SLC30A8: variants seen among roughly 807,000 people sequenced by gnomAD.
SLC30A8 encodes proton-coupled zinc antiporter SLC30A8.
In SLC30A8, 27 loss-of-function variants were observed where a neutral mutation model predicts 36.9. That is an observed-to-expected ratio of 0.73 (90% confidence interval 0.54 to 1.01). The LOEUF (loss-of-function observed/expected upper bound fraction) is 1.01, where lower values mean the gene tolerates loss of function less well. Ranked by LOEUF, SLC30A8 falls within the 50% of genes least tolerant of loss-of-function variation. The pLI is 0.00. For synonymous variants in SLC30A8, 164 were observed against 172.4 expected, an observed-to-expected ratio of 0.95 and a Z score of 0.38; for missense variants, 439 against 452.0, an observed-to-expected ratio of 0.97 and a Z score of 0.26.
chr8:117,164,398 C>CTCG (rs1424159209), intron 6 of SLC30A8: 2 of 146,564 alleles, frequency 1.4e-5, no homozygotes, highest in African/African-American at 5.2e-5. Flanking sequence ...ATGGCAAAAC[C>CTCG]TCGTCTCAAC....
Position 117,123,055 on chromosome 8 carries a change from T to G in SLC30A8, c.-225-12225T>G, listed in dbSNP as rs566085700. 3.3e-5 allele frequency among the ~76,000 whole-genome samples: 5 copies of G among 152,056 alleles called. No homozygotes were observed. In the South Asian group the frequency reaches 6.2e-4, roughly 19 times the overall value. ...TGCTTGACATGGACTAGGAACATAA[T>G]TAATATTTGTTGAATGAATTAATGG... On this transcript the variant is annotated intron_variant, in intron 2 of 10. Transcript: ENST00000427715.
At chr8:117,155,729 A>C (rs1822448880) in intron 3 of SLC30A8, among the ~76,000 whole-genome samples, 2 of 152,214 alleles carry the variant, frequency 1.3e-5, no homozygotes, top group African/African-American at 4.8e-5. Context: ...AGTTATGAGA[A>C]ACAGAAGTCT....
intron 1 of SLC30A8, among the ~76,000 whole-genome samples, chr8:116,991,951 G>A (rs1046265670): frequency 5.9e-5 from 9 of 152,140 alleles, no homozygotes; most frequent in African/African-American, 2.2e-4. Context: ...AAGATGCAGT[G>A]CAGGGTCTAC....
chr8:116,981,307 A>G (rs915720149), intron 1 of SLC30A8, among the ~76,000 whole-genome samples: 2 of 152,222 alleles, frequency 1.3e-5, no homozygotes, highest in Admixed American at 6.5e-5. Flanking sequence ...ACCAAGGCTC[A>G]GAACTCACAA....
At chr8:117,116,754 A>G (rs1195693637) in intron 2 of SLC30A8, among the ~76,000 whole-genome samples, 1 of 152,058 alleles carries the variant, frequency 6.6e-6, no homozygotes, top group Non-Finnish European at 1.5e-5. Context: ...TGAAATCAGA[A>G]AAGTTCTGAT....
At chr8:117,082,654 T>C (rs1218254041) in intron 2 of SLC30A8, among the ~76,000 whole-genome samples, 6 of 152,212 alleles carry the variant, frequency 3.9e-5, no homozygotes, top group Admixed American at 3.3e-4. Flanking sequence ...TAGAATAATG[T>C]AGAGTTCAGG....
At chr8:116,966,383 T>C (rs1814601788) in intron 1 of SLC30A8, among the ~76,000 whole-genome samples, 1 of 152,182 alleles carries the variant, frequency 6.6e-6, no homozygotes, top group Non-Finnish European at 1.5e-5. Flanking sequence ...CCTTTTCAGT[T>C]GTGTCTGCCT....
At chr8:117,149,723 C>T (rs1822078985) in intron 2 of SLC30A8, among the ~76,000 whole-genome samples, 1 of 152,194 alleles carries the variant, frequency 6.6e-6, no homozygotes, top group Non-Finnish European at 1.5e-5. Flanking sequence ...GCTTGCTGAG[C>T]ACTTTCATAC....
chr8:117,124,600 A>G (rs759733809), intron 2 of SLC30A8, among the ~76,000 whole-genome samples: 1 of 151,072 alleles, frequency 6.6e-6, no homozygotes, highest in Non-Finnish European at 1.5e-5. Context: ...ACATGACCAC[A>G]TCCAATTTCC....
intron 2 of SLC30A8, among the ~76,000 whole-genome samples, chr8:117,090,353 ATATT>A (rs879470501): frequency 6.7e-6 from 1 of 148,910 alleles, no homozygotes; most frequent in African/African-American, 2.4e-5. Context: ...CATTTACTAA[ATATT>A]TATTAAGGAG....
chr8:117,025,453 A>G (rs1816843882), intron 1 of SLC30A8, among the ~76,000 whole-genome samples: 1 of 152,206 alleles, frequency 6.6e-6, no homozygotes, highest in African/African-American at 2.4e-5. Flanking sequence ...TGGGATACAT[A>G]CTGGAAAGAT....
chr8:117,047,492 T>C (rs62510476), intron 2 of SLC30A8, among the ~76,000 whole-genome samples: 8,985 of 152,196 alleles, frequency 0.059, 304 homozygotes, highest in East Asian at 0.12. Context: ...ATAACTCCTC[T>C]GAGGATTATT....
chr8:117,041,953 A>G (rs144295555), intron 2 of SLC30A8, among the ~76,000 whole-genome samples: 6 of 152,322 alleles, frequency 3.9e-5, no homozygotes, highest in African/African-American at 1.4e-4. Context: ...GAATAGTTCT[A>G]CGCCATGAAT....
chr8:117,171,012 T>C (rs1453501726), intron 6 of SLC30A8, 22 bp from the exon 7 acceptor site: 2 of 1,564,570 alleles, frequency 1.3e-6, no homozygotes, highest in East Asian at 4.5e-5. Context: ...AACTACAGCC[T>C]CCATCTCTTC....
intron 1 of SLC30A8, among the ~76,000 whole-genome samples, chr8:117,035,381 G>A (rs1817181261): frequency 6.6e-6 from 1 of 152,248 alleles, no homozygotes; most frequent in Non-Finnish European, 1.5e-5. Context: ...CTGAAACCCA[G>A]CAGGGCCATC....
At chr8:117,001,728 A>G (rs1816017529) in intron 1 of SLC30A8, among the ~76,000 whole-genome samples, 1 of 152,210 alleles carries the variant, frequency 6.6e-6, no homozygotes, top group Admixed American at 6.5e-5. Context: ...ATCAAACTGT[A>G]AAAGTCAGAT....
At chr8:117,004,008 C>T (rs533028391) in intron 1 of SLC30A8, among the ~76,000 whole-genome samples, 1 of 152,258 alleles carries the variant, frequency 6.6e-6, no homozygotes, top group Non-Finnish European at 1.5e-5. Flanking sequence ...TTTGAAGGAA[C>T]AACTATAAAC....
At position 117,163,621 on chromosome 8, in the gene SLC30A8, A is replaced by C. The variant is rs1477202233; in HGVS notation, c.829+91A>C. The C allele has an allele frequency of 3.4e-6, 3 of 884,442 alleles. No homozygotes were observed. In the African/African-American group the frequency reaches 5.2e-5, roughly 15 times the overall value. 54.8% of individuals were successfully genotyped at this position (884,442 alleles called of 1,614,324 possible). On this transcript the variant is annotated intron_variant, in intron 6 of 7. Coordinates refer to ENST00000456015, the MANE Select transcript of SLC30A8 (RefSeq NM_173851.3). ...ATGGCTACAAGGCATGCTCACTGTT[A>C]ATTTGAATTATGGGAAAAATTTAAA...
At chr8:117,124,246 A>T (rs1284303431) in intron 2 of SLC30A8, among the ~76,000 whole-genome samples, 1 of 151,944 alleles carries the variant, frequency 6.6e-6, no homozygotes, top group Non-Finnish European at 1.5e-5. Flanking sequence ...GGGAGAGGGG[A>T]GTAAAGGATT....
Sources: gnomAD v4.1 joint callset for allele counts (sites outside exome capture counted in the v4.1 genomes callset) on GRCh38, gnomAD v4.1.1 for gene constraint, MANE v1.5 for transcripts, NCBI Gene and HGNC (gene_info 2026-07-23, HGNC 2026-07-21) for gene names.